CERS1: variants seen among roughly 807,000 people sequenced by gnomAD.
The protein encoded by CERS1 is ceramide synthase 1.
In CERS1, 16 loss-of-function variants were observed where a neutral mutation model predicts 35.7. The ratio of observed to expected loss-of-function variants is 0.45; its 90% CI spans 0.30 to 0.68. The LOEUF (loss-of-function observed/expected upper bound fraction) is 0.68. Ranked by LOEUF, CERS1 falls within the 30% of genes least tolerant of loss-of-function variation. CERS1 has a pLI of 0.08. For missense variants in CERS1, 454 were observed against 453.9 expected, an observed-to-expected ratio of 1.00 and a Z score of 0.00; for synonymous variants, 243 against 201.6, an observed-to-expected ratio of 1.21 and a Z score of -1.74.
At chr19:18,879,763 A>C (rs1479573713) in intron 4 of CERS1, among the ~76,000 whole-genome samples, 44 of 13,860 alleles carry the variant, frequency 3.2e-3, no homozygotes, top group Admixed American at 6.7e-3. Context: ...CCAAGGCCCC[A>C]CCTCCTTCCC....
At chr19:18,896,210 G>C (rs2056624560), upstream of CERS1, 1 of 193,160 alleles carries the variant, frequency 5.2e-6, no homozygotes, top group African/African-American at 2.4e-5. This position sits in a 1 kb window ranked among gnomAD's most constrained non-coding sequence, Gnocchi z 5.9. Flanking sequence ...CGGGACCGGC[G>C]CAAGCTCCGC....
chr19:18,896,691 G>A (rs1349159385), upstream of CERS1: 1 of 152,402 alleles, frequency 6.6e-6, no homozygotes, highest in Non-Finnish European at 1.5e-5. This position sits in a 1 kb window ranked among gnomAD's most constrained non-coding sequence, Gnocchi z 5.9. Flanking sequence ...TTCTTCAAAA[G>A]GACACGGCCC....
rs2055915112 is a variant in CERS1, at chr19:18,869,263, G to C, written c.*722C>G. 2.7e-6 allele frequency: 4 copies of C among 1,458,872 alleles called. No homozygotes were observed. Among genetic ancestry groups the C allele is most frequent in the Non-Finnish European group, 3.6e-6 (4 of 1,115,978 alleles). 90.4% of individuals were successfully genotyped at this position (1,458,872 alleles called of 1,614,324 possible). On this transcript the variant is annotated 3_prime_UTR_variant, in exon 8 of 8. Transcript: ENST00000623882. Reference sequence around the variant, plus strand: ...CCGGGGCTGCCGCCGCCGCCGCCGCGAAACGCAGCTCCAGGCGGGCCCGGC... The same window carrying C: ...CCGGGGCTGCCGCCGCCGCCGCCGCCAAACGCAGCTCCAGGCGGGCCCGGC...
Position 18,896,132 on chromosome 19 carries a change from G to A in CERS1, c.-60C>T. The A allele has an allele frequency of 7.6e-6, 5 of 654,458 alleles. No individual in the cohort carries two copies. The highest frequency in any genetic ancestry group is 6.7e-5 in the South Asian group (1 of 15,034). 40.5% of individuals were successfully genotyped at this position (654,458 alleles called of 1,614,324 possible). On this transcript the variant is annotated 5_prime_UTR_variant, in exon 1 of 8. Coordinates refer to ENST00000623882, the MANE Select transcript of CERS1 (RefSeq NM_021267.5). This position sits in a 1 kb window ranked among gnomAD's most constrained non-coding sequence, Gnocchi z 5.9. Reference sequence around the variant, plus strand: ...CCCGCCCGCGGTAGCCGACGGAGCCGCGCGCCCCGCGTCACGCGCCGCAGC... The same window carrying A: ...CCCGCCCGCGGTAGCCGACGGAGCCACGCGCCCCGCGTCACGCGCCGCAGC...
intron 2 of CERS1, among the ~76,000 whole-genome samples, chr19:18,887,799 A>G (rs1465539879): frequency 6.6e-6 from 1 of 151,982 alleles, no homozygotes; most frequent in East Asian, 1.9e-4. Context: ...CTTACCATCT[A>G]AGCCATTTGT....
At chr19:18,891,722 C>T (rs926534801) in intron 2 of CERS1, among the ~76,000 whole-genome samples, 3 of 151,688 alleles carry the variant, frequency 2.0e-5, no homozygotes, top group Admixed American at 1.3e-4. Context: ...GTACTACAGA[C>T]GTGCCCCACC....
Position 18,869,303 on chromosome 19 carries a change from G to T in CERS1, c.*682C>A. On this transcript the variant is annotated 3_prime_UTR_variant, in exon 8 of 8. Transcript: ENST00000623882. ...GCGGGCCCGGCTCGGGCGCTCAGCG[G>T]GTTCCACAGCCGACAGGTCGAAGAC... The T allele has an allele frequency of 6.6e-7, 1 of 1,517,238 alleles. No homozygotes were observed. Among genetic ancestry groups the T allele is most frequent in the Non-Finnish European group, 8.8e-7 (1 of 1,140,026 alleles). 94.0% of individuals were successfully genotyped at this position (1,517,238 alleles called of 1,614,324 possible). A position where few individuals can be genotyped will look rare whatever the true frequency, so the allele number is the denominator to read the frequency against.
chr19:18,871,578 G>A (rs2055972019), intron 6 of CERS1, among the ~76,000 whole-genome samples: 1 of 152,128 alleles, frequency 6.6e-6, no homozygotes, highest in African/African-American at 2.4e-5. Flanking sequence ...TAGAGGTGAG[G>A]TTGCTATGTT....
rs747345121 is a variant in CERS1, at chr19:18,869,279, C to A, written c.*706G>T. On this transcript the variant is annotated 3_prime_UTR_variant, in exon 8 of 8. Coordinates refer to ENST00000623882, the MANE Select transcript of CERS1 (RefSeq NM_021267.5). ...CGCCGCCGCGAAACGCAGCTCCAGG[C>A]GGGCCCGGCTCGGGCGCTCAGCGGG... 47 of 1,497,032 alleles carry A rather than the reference C, an allele frequency of 3.1e-5. No individual in the cohort carries two copies. The highest frequency in any genetic ancestry group is 8.8e-7 in the Non-Finnish European group (1 of 1,131,442). The allele number at this position is 1,497,032 out of a possible 1,614,324, so 92.7% of individuals were successfully genotyped here.
At position 18,890,730 on chromosome 19, in the gene CERS1, G is replaced by C. The variant is rs556249739; in HGVS notation, c.409+2686C>G. Among the ~76,000 whole-genome samples the C allele has an allele frequency of 1.6e-3, 244 of 150,150 alleles. 2 individuals carry two copies. The highest frequency in any genetic ancestry group is 5.8e-3 in the African/African-American group (236 of 40,834). On this transcript the variant is annotated intron_variant, in intron 2 of 7. Transcript: ENST00000623882. ...CAGGAGGTCCAGGCTGCAGTGAGCTGTGATCGTGCCACTGTACTCCAGCCT... is the reference window on the plus strand; with the variant it reads ...CAGGAGGTCCAGGCTGCAGTGAGCTCTGATCGTGCCACTGTACTCCAGCCT...
chr19:18,869,539 G>T, intron 7 of CERS1, 149 bp from the exon 8 acceptor site: 5 of 1,048,534 alleles, frequency 4.8e-6, no homozygotes, highest in South Asian at 1.7e-5. Context: ...GGCTGATGGA[G>T]TGGGGGCAGG....
In CERS1 at chr19:18,870,160, G is replaced by A. The variant is rs1420703949; in HGVS notation, c.*417C>T. 5 of 1,562,620 alleles carry A rather than the reference G, an allele frequency of 3.2e-6. No individual in the cohort carries two copies. Among genetic ancestry groups the A allele is most frequent in the Non-Finnish European group, 4.3e-6 (5 of 1,160,212 alleles). On this transcript the variant is annotated 3_prime_UTR_variant, in exon 7 of 8. Coordinates refer to ENST00000623882, the MANE Select transcript of CERS1 (RefSeq NM_021267.5). The surrounding 1 kb of genome is among the most constrained non-coding windows in gnomAD (Gnocchi z 5.1). ...ACCGGCCGGAGCCTGGGGGCACCCT[G>A]GGGCTCATCGCGCAGTCCTAGAGCC... is the stretch of plus-strand genomic sequence containing the variant.
chr19:18,884,220 G>C lies in CERS1; in HGVS notation c.457C>G (p.Leu153Val). 1 of 1,613,564 alleles carries C rather than the reference G, an allele frequency of 6.2e-7. No individual in the cohort carries two copies. Among genetic ancestry groups the C allele is most frequent in the Non-Finnish European group, 8.5e-7 (1 of 1,179,830 alleles). ...AVPRDIAAAY[L>V]LQGSFYGHSI... Reference sequence around the variant, plus strand: ...TGGCCATAGAAGCTTCCCTGGAGCAGGTAGGCGGCTGCAATGTCCCGTGGC... The same window carrying C: ...TGGCCATAGAAGCTTCCCTGGAGCACGTAGGCGGCTGCAATGTCCCGTGGC... Residue 153 changes from leucine to valine, a missense_variant, in exon 3 of 8, where the codon CTG (leucine) becomes GTG (valine). Coordinates refer to ENST00000623882, the MANE Select transcript of CERS1 (RefSeq NM_021267.5).
Position 18,895,872 on chromosome 19 carries a change from C to T in CERS1, c.201G>A (p.Ala67=), listed in dbSNP as rs1389362775. The T allele has an allele frequency of 1.6e-6, 2 of 1,283,776 alleles. No individual in the cohort carries two copies. The highest frequency in any genetic ancestry group is 9.8e-7 in the Non-Finnish European group (1 of 1,016,360). The allele number at this position is 1,283,776 out of a possible 1,614,324, so 79.5% of individuals were successfully genotyped here. Residue 67 remains alanine (A), a synonymous_variant, in exon 1 of 8, where the codon GCG becomes GCA. Transcript: ENST00000623882. This position sits in a 1 kb window ranked among gnomAD's most constrained non-coding sequence, Gnocchi z 6.4. The part of the protein sequence containing the change: ...PPELLLLALG[A]LGWTALRSAA... ...CGGAGCGCAGGGCGGTCCAGCCCAG[C>T]GCGCCGAGCGCCAGCAGCAGCAGCT...
At chr19:18,869,701 C>T (rs1477241875) in intron 7 of CERS1, among the ~76,000 whole-genome samples, 8 of 119,458 alleles carry the variant, frequency 6.7e-5, no homozygotes, top group Non-Finnish European at 1.3e-4. Flanking sequence ...GGGATGGCAT[C>T]TGCAGGAAGG....
At chr19:18,879,886 C>CCTACCT (rs2056158884) in intron 4 of CERS1, among the ~76,000 whole-genome samples, 1 of 151,416 alleles carries the variant, frequency 6.6e-6, no homozygotes. Context: ...ACACCAAAGC[C>CCTACCT]CTACCTCTTT....
At chr19:18,869,954 CCA>C (rs2055935160) in intron 7 of CERS1, 27 bp downstream of exon 7, 1 of 1,559,692 alleles carries the variant, frequency 6.4e-7, no homozygotes, top group Non-Finnish European at 8.7e-7. Context: ...GCCTCCAGGA[CCA>C]GTGTCCCCAG....
At chr19:18,884,043 T>C in intron 3 of CERS1, 44 bp downstream of exon 3, 1 of 1,586,638 alleles carries the variant, frequency 6.3e-7, no homozygotes. Context: ...CCGCACTCTG[T>C]GTGGGCTGTG....
rs755352510 is a variant in CERS1 at position 18,878,777 on chromosome 19, G to A, written c.1010+153C>T. 3.6e-5 allele frequency: 52 copies of A among 1,452,444 alleles called. No homozygotes were observed. Among genetic ancestry groups the A allele is most frequent in the East Asian group, 1.0e-4 (4 of 39,472 alleles). 90.0% of individuals were successfully genotyped at this position (1,452,444 alleles called of 1,614,324 possible). ...TCAGGGTACTGGCCACATCGTCCAC[G>A]CCTTTATTGCAGTCTCTGTTTTGGA... is the stretch of plus-strand genomic sequence containing the variant. On this transcript the variant is annotated intron_variant, in intron 6 of 7. Coordinates refer to ENST00000623882, the MANE Select transcript of CERS1 (RefSeq NM_021267.5). The surrounding 1 kb of genome is among the most constrained non-coding windows in gnomAD (Gnocchi z 4.6).
Sources: allele counts gnomAD v4.1 joint callset (sites outside exome capture counted in the v4.1 genomes callset), GRCh38; gene constraint gnomAD v4.1.1; non-coding constraint Gnocchi (gnomAD v3.1); transcripts MANE v1.5; gene names NCBI Gene and HGNC (gene_info 2026-07-23, HGNC 2026-07-21).